FGFR2: variants seen among roughly 807,000 people sequenced by gnomAD.
FGFR2 encodes the protein BEK fibroblast growth factor receptor.
A neutral mutation model predicts 95.9 loss-of-function variants in FGFR2; 19 were observed. The observed-to-expected ratio is 0.20, with a 90% CI of 0.14 to 0.29. FGFR2 has a LOEUF of 0.29. FGFR2 is among the 10% of genes least tolerant of loss of function. FGFR2 has a pLI of 1.00. For missense variants in FGFR2, 707 were observed against 1,056.9 expected (o/e 0.67, Z 4.59); for synonymous variants, 392 against 393.3 (o/e 1.00, Z 0.04).
intron 6 of FGFR2, chr10:121,538,068 T>C (rs1394332083): frequency 4.2e-6 from 2 of 480,762 alleles, no homozygotes; most frequent in Non-Finnish European, 7.4e-6. Flanking sequence ...AGGAAATAGA[T>C]GCCAGGAACA....
At chr10:121,574,960 C>T (rs1347266230) in intron 2 of FGFR2, among the ~76,000 whole-genome samples, 1 of 152,136 alleles carries the variant, frequency 6.6e-6, no homozygotes, top group Non-Finnish European at 1.5e-5. Flanking sequence ...AGACACAAGT[C>T]GGGACTGAAA....
chr10:121,504,609 T>C (rs140824490), intron 9 of FGFR2, among the ~76,000 whole-genome samples: 4 of 152,258 alleles, frequency 2.6e-5, no homozygotes, highest in African/African-American at 9.6e-5. Flanking sequence ...GGGCTGCCTC[T>C]TGTCTTCGGT....
At chr10:121,523,482 C>T (rs1401899907) in intron 6 of FGFR2, among the ~76,000 whole-genome samples, 4 of 152,094 alleles carry the variant, frequency 2.6e-5, no homozygotes, top group African/African-American at 7.2e-5. Flanking sequence ...GAGTTAAGTC[C>T]GCGCACGAAC....
chr10:121,532,586 G>T (rs1483026896), intron 6 of FGFR2, among the ~76,000 whole-genome samples: 1 of 152,170 alleles, frequency 6.6e-6, no homozygotes, highest in Non-Finnish European at 1.5e-5. Flanking sequence ...TCCAGCTGTG[G>T]TTTGAGGGAC....
At chr10:121,541,000 G>A (rs939064359) in intron 5 of FGFR2, among the ~76,000 whole-genome samples, 6 of 152,048 alleles carry the variant, frequency 3.9e-5, no homozygotes, top group African/African-American at 1.2e-4. Context: ...TTTAACCCCA[G>A]GGGATATGGT....
At chr10:121,480,212 GAGACCC>G (rs1844498916) in intron 17 of FGFR2, 191 bp from the exon 18 acceptor site, 1 of 741,046 alleles carries the variant, frequency 1.3e-6, no homozygotes, top group Non-Finnish European at 2.4e-6. Flanking sequence ...AAGGTGAACA[GAGACCC>G]AGCCCACCTG....
At chr10:121,500,979 C>A (rs2134014784) in intron 10 of FGFR2, 32 bp from the exon 11 acceptor site, 1 of 1,612,392 alleles carries the variant, frequency 6.2e-7, no homozygotes, top group Non-Finnish European at 8.5e-7. Context: ...TAGCACATAG[C>A]ATCTGGTGAT....
At chr10:121,546,947 G>A (rs996832756) in intron 5 of FGFR2, among the ~76,000 whole-genome samples, 7 of 152,310 alleles carry the variant, frequency 4.6e-5, no homozygotes, top group Admixed American at 1.3e-4. Context: ...CAAATGGGAC[G>A]GGTGCAGTAG....
chr10:121,530,708 A>G (rs1195240835), intron 6 of FGFR2, among the ~76,000 whole-genome samples: 1 of 152,234 alleles, frequency 6.6e-6, no homozygotes. Context: ...GAGAAACTCT[A>G]ATTTCTTGCT....
At chr10:121,509,546 C>T (rs185482848) in intron 9 of FGFR2, among the ~76,000 whole-genome samples, 30 of 127,924 alleles carry the variant, frequency 2.3e-4, no homozygotes, top group Non-Finnish European at 4.2e-4. Flanking sequence ...TATCCAGGCA[C>T]GATCTTGGCT....
In FGFR2 at chr10:121,517,371, C is replaced by T. The variant is rs121918491; in HGVS notation, c.1032G>A (p.Ala344=). ...FEDAGEYTCL[A]GNSIGISFHS... ...GAAAGGATATCCCAATAGAATTACC[C>T]GCCAAGCACGTATATTCCCCAGCGT... Residue 344 remains alanine, a synonymous_variant, in exon 8 of 18, where the codon GCG becomes GCA. Coordinates refer to ENST00000358487, the MANE Select transcript of FGFR2 (RefSeq NM_000141.5). This position sits in a 1 kb window ranked among gnomAD's most constrained non-coding sequence, Gnocchi z 4.7. 1.9e-6 allele frequency: 3 copies of T among 1,614,176 alleles called. No individual in the cohort carries two copies. The highest frequency in any genetic ancestry group is 2.5e-6 in the Non-Finnish European group (3 of 1,180,022).
intron 5 of FGFR2, among the ~76,000 whole-genome samples, chr10:121,549,625 G>GCTCT (rs146483238): frequency 6.6e-6 from 1 of 151,428 alleles, no homozygotes; most frequent in African/African-American, 2.4e-5. Flanking sequence ...CTGCGATCCT[G>GCTCT]CTCTCTCTCT....
Position 121,517,254 on chromosome 10 carries a change from T to G in FGFR2, c.1084+65A>C. ...GGGCCATTTCTGATAACAGAAGCTG[T>G]GTTAATTTTATAGCAGTCAACCAAG... is the stretch of plus-strand genomic sequence containing the variant. On this transcript the variant is annotated intron_variant, in intron 8 of 17. Transcript: ENST00000358487. The surrounding 1 kb of genome is among the most constrained non-coding windows in gnomAD (Gnocchi z 4.7). The G allele has an allele frequency of 1.3e-6, 2 of 1,529,348 alleles. No individual in the cohort carries two copies. Among genetic ancestry groups the G allele is most frequent in the Non-Finnish European group, 1.8e-6 (2 of 1,103,212 alleles). 94.7% of individuals were successfully genotyped at this position (1,529,348 alleles called of 1,614,324 possible). A position where few individuals can be genotyped will look rare whatever the true frequency, so the allele number is the denominator to read the frequency against.
At position 121,518,555 on chromosome 10, in the gene FGFR2, T is replaced by C. The variant is rs1850013751; in HGVS notation, c.940-1092A>G. 4.7e-6 allele frequency: 5 copies of C among 1,058,436 alleles called. No individual in the cohort carries two copies. Among genetic ancestry groups the C allele is most frequent in the Admixed American group, 2.3e-5 (1 of 42,584 alleles). The allele number at this position is 1,058,436 out of a possible 1,614,324, so 65.6% of individuals were successfully genotyped here. A position where few individuals can be genotyped will look rare whatever the true frequency, so the allele number is the denominator to read the frequency against. ...CAGCTGCATCACCGAAGAAAGATTATTATAAATATACCAAGGCCACAAGAG... is the reference window on the plus strand; with the variant it reads ...CAGCTGCATCACCGAAGAAAGATTACTATAAATATACCAAGGCCACAAGAG... On this transcript the variant is annotated intron_variant, in intron 7 of 17. Transcript: ENST00000358487. This position sits in a 1 kb window ranked among gnomAD's most constrained non-coding sequence, Gnocchi z 4.0.
chr10:121,586,062 C>T (rs538273480), intron 2 of FGFR2, among the ~76,000 whole-genome samples: 7 of 152,336 alleles, frequency 4.6e-5, no homozygotes, highest in Admixed American at 3.3e-4. Context: ...ACCATAGATA[C>T]ACACAGTTGG....
chr10:121,551,311 C>T lies in FGFR2; in HGVS notation c.603G>A (p.Glu201=), dbSNP rs1178202679. The part of the protein sequence containing the change: ...WLKNGKEFKQ[E]HRIGGYKVRN... ...CTACCTTGTAGCCTCCAATGCGATG[C>T]TCCTGCTTAAACTCCTTCCCGTTTT... The change falls in exon 5 of 18, where the codon GAG becomes GAA. Residue 201 remains glutamate, a synonymous_variant. Transcript: ENST00000358487. 1 of 1,614,240 alleles carries T rather than the reference C, an allele frequency of 6.2e-7. No homozygotes were observed. Among genetic ancestry groups the T allele is most frequent in the South Asian group, 1.1e-5 (1 of 91,082 alleles).
At chr10:121,574,079 C>A (rs2135255962) in intron 2 of FGFR2, among the ~76,000 whole-genome samples, 1 of 152,288 alleles carries the variant, frequency 6.6e-6, no homozygotes, top group Non-Finnish European at 1.5e-5. Flanking sequence ...CGCCCAGTCC[C>A]AGTAAGAAGT....
At chr10:121,557,237 C>T (rs1184939371) in intron 4 of FGFR2, among the ~76,000 whole-genome samples, 1 of 152,208 alleles carries the variant, frequency 6.6e-6, no homozygotes, top group Non-Finnish European at 1.5e-5. Flanking sequence ...AAGGAGGAGA[C>T]TGAGAAAGAT....
At chr10:121,568,783 A>C (rs1297182706) in intron 2 of FGFR2, among the ~76,000 whole-genome samples, 1 of 152,190 alleles carries the variant, frequency 6.6e-6, no homozygotes, top group Non-Finnish European at 1.5e-5. Flanking sequence ...AGTAAACCCC[A>C]AAATCTTGCT....
Sources: gnomAD v4.1 joint callset for allele counts (sites outside exome capture counted in the v4.1 genomes callset) on GRCh38, gnomAD v4.1.1 for gene constraint, Gnocchi (gnomAD v3.1) non-coding constraint, MANE v1.5 for transcripts, NCBI Gene and HGNC (gene_info 2026-07-23, HGNC 2026-07-21) for gene names.